TMEM26: variants seen among roughly 807,000 people sequenced by gnomAD.
TMEM26 encodes transmembrane protein 26.
A neutral mutation model predicts 28.8 loss-of-function variants in TMEM26; 38 were observed. The ratio of observed to expected loss-of-function variants is 1.32; its 90% CI spans 1.02 to 1.73. TMEM26 has a LOEUF of 1.73. Ranked by LOEUF, TMEM26 falls within the 40% of genes most tolerant of loss-of-function variation. The pLI is 0.00. For missense variants in TMEM26, 518 were observed against 447.1 expected, an observed-to-expected ratio of 1.16 and a Z score of -1.43; for synonymous variants, 227 against 182.9, an observed-to-expected ratio of 1.24 and a Z score of -1.95.
At chr10:61,445,858 A>T (rs374263682) in intron 1 of TMEM26, among the ~76,000 whole-genome samples, 25 of 152,314 alleles carry the variant, frequency 1.6e-4, no homozygotes, top group Non-Finnish European at 2.8e-4. Context: ...AACTTAAGGT[A>T]TTCAGATTTG....
chr10:61,410,557 G>A lies in TMEM26; in HGVS notation c.872C>T (p.Ala291Val), dbSNP rs1017279780. The change falls in exon 6 of 6, where the codon GCG (alanine) becomes GTG (valine). Residue 291 changes from alanine to valine, a missense_variant. By Grantham distance (64) the Ala-to-Val change is moderately conservative. Coordinates refer to ENST00000399298, the MANE Select transcript of TMEM26 (RefSeq NM_178505.8). ...VINQMLVFFAAKNFLVVVLQL... is the reference protein window; with the variant it reads ...VINQMLVFFAVKNFLVVVLQL... ...CAACACCACCACGAGGAAGTTCTTC[G>A]CGGCAAAGAACACCAGCATCTGATT... is the stretch of plus-strand genomic sequence containing the variant. 4 of 1,613,976 alleles carry A rather than the reference G, an allele frequency of 2.5e-6. No homozygotes were observed. In the East Asian group the frequency reaches 6.7e-5, roughly 27 times the overall value.
At chr10:61,416,139 T>C (rs957315393) in intron 4 of TMEM26, 5 of 446,516 alleles carry the variant, frequency 1.1e-5, no homozygotes, top group South Asian at 1.6e-5. Context: ...GAAAAAGTTG[T>C]TGAGGATATT....
At chr10:61,414,933 G>T (rs1251421637) in intron 4 of TMEM26, 1 of 958,772 alleles carries the variant, frequency 1.0e-6, no homozygotes, top group Non-Finnish European at 1.2e-6. Context: ...TATTCCAGGT[G>T]TGAATACTGT....
At chr10:61,447,053 G>C (rs1375394195) in intron 1 of TMEM26, among the ~76,000 whole-genome samples, 2 of 152,112 alleles carry the variant, frequency 1.3e-5, no homozygotes, top group Non-Finnish European at 2.9e-5. Flanking sequence ...AAGCTAAAGA[G>C]AGATTTCAGG....
intron 5 of TMEM26, among the ~76,000 whole-genome samples, chr10:61,411,887 T>C (rs1002480702): frequency 6.6e-6 from 1 of 152,240 alleles, no homozygotes; most frequent in African/African-American, 2.4e-5. Flanking sequence ...GTACTATTTG[T>C]TGGAAAATAC....
chr10:61,438,805 C>T (rs1200880396), intron 1 of TMEM26, among the ~76,000 whole-genome samples: 1 of 152,126 alleles, frequency 6.6e-6, no homozygotes, highest in East Asian at 1.9e-4. Context: ...CCTCCCTTAC[C>T]ACATCCTGTC....
rs184220286 is a variant in TMEM26 at position 61,429,019 on chromosome 10, C to G, written c.512G>C (p.Arg171Pro). The change falls in exon 4 of 6, where the codon CGA becomes CCA. Residue 171 changes from arginine (R) to proline (P), a missense_variant. By Grantham distance (103) the Arg-to-Pro change is moderately radical. Coordinates refer to ENST00000399298, the MANE Select transcript of TMEM26 (RefSeq NM_178505.8). ...WLLPIGGGIT[R>P]DQLSQLLLMF... ...AAGAAGAAGTTGAGAGAGTTGATCTCGAGTGATCCCGCCTCCAATGGGTAG... is the reference window on the plus strand; with the variant it reads ...AAGAAGAAGTTGAGAGAGTTGATCTGGAGTGATCCCGCCTCCAATGGGTAG... 6.2e-7 allele frequency: 1 copy of G among 1,613,288 alleles called. No individual in the cohort carries two copies. The highest frequency in any genetic ancestry group is 1.3e-5 in the African/African-American group (1 of 74,972).
intron 4 of TMEM26, among the ~76,000 whole-genome samples, chr10:61,424,295 T>G (rs2135301984): frequency 6.6e-6 from 1 of 152,054 alleles, no homozygotes; most frequent in East Asian, 1.9e-4. Context: ...ATTAAAAAAA[T>G]AATTCCACTA....
chr10:61,424,625 A>C (rs916250081), intron 4 of TMEM26, among the ~76,000 whole-genome samples: 3 of 152,172 alleles, frequency 2.0e-5, no homozygotes, highest in African/African-American at 7.2e-5. Context: ...GCTAAAACAA[A>C]TTTTAAAAGA....
chr10:61,437,966 G>A (rs925826996), intron 1 of TMEM26, among the ~76,000 whole-genome samples: 4 of 152,082 alleles, frequency 2.6e-5, no homozygotes, highest in Admixed American at 6.5e-5. Context: ...AGAATTGTTC[G>A]AGATGAAATG....
intron 4 of TMEM26, among the ~76,000 whole-genome samples, chr10:61,425,507 A>T (rs1404639930): frequency 6.6e-6 from 1 of 152,208 alleles, no homozygotes; most frequent in Non-Finnish European, 1.5e-5. Flanking sequence ...AATTAAAAAC[A>T]AGCTGAACAC....
At chr10:61,452,609 G>A (rs61850635) in intron 1 of TMEM26, 6,080 of 394,014 alleles carry the variant, frequency 0.015, 83 homozygotes, top group Admixed American at 0.042. Context: ...ATAGACCAGC[G>A]CTTCCTCTCT....
chr10:61,429,676 A>T (rs1839890587), intron 3 of TMEM26, among the ~76,000 whole-genome samples: 1 of 152,042 alleles, frequency 6.6e-6, no homozygotes, highest in East Asian at 1.9e-4. Context: ...CCTAAATGTA[A>T]AGAAAGAGAA....
At chr10:61,423,713 A>T (rs943080334) in intron 4 of TMEM26, among the ~76,000 whole-genome samples, 3 of 152,158 alleles carry the variant, frequency 2.0e-5, no homozygotes, top group Non-Finnish European at 4.4e-5. Flanking sequence ...GACCCGGGCT[A>T]AAGGGCAAGA....
Position 61,407,983 on chromosome 10 carries a change from A to T in TMEM26, c.*2339T>A, listed in dbSNP as rs1293173275. On this transcript the variant is annotated 3_prime_UTR_variant, in exon 6 of 6. Transcript: ENST00000399298. The stretch of plus-strand genomic sequence containing the variant: ...TAGCAGTCTACGCTATGAACTGAAC[A>T]AATTTGTAATATTTAATCAGGAGTC... The T allele has an allele frequency of 6.6e-6, 1 of 152,224 alleles. No homozygotes were observed. The highest frequency in any genetic ancestry group is 1.5e-5 in the Non-Finnish European group (1 of 68,036). 9.4% of individuals were successfully genotyped at this position (152,224 alleles called of 1,614,324 possible). A position where few individuals can be genotyped will look rare whatever the true frequency, so the allele number is the denominator to read the frequency against.
chr10:61,418,614 G>A (rs1485778527), intron 4 of TMEM26, among the ~76,000 whole-genome samples: 1 of 152,110 alleles, frequency 6.6e-6, no homozygotes. Context: ...TTTTACCAGT[G>A]ACAGCTTTGG....
chr10:61,426,180 G>T (rs1304845084), intron 4 of TMEM26, among the ~76,000 whole-genome samples: 1 of 151,968 alleles, frequency 6.6e-6, no homozygotes, highest in Admixed American at 6.6e-5. Context: ...ACACATAAAA[G>T]AGCACACATT....
intron 1 of TMEM26, among the ~76,000 whole-genome samples, chr10:61,451,619 G>T (rs1178660166): frequency 6.6e-6 from 1 of 152,176 alleles, no homozygotes; most frequent in Non-Finnish European, 1.5e-5. Context: ...ACACTGGAAA[G>T]TACCTCAAAT....
intron 1 of TMEM26, among the ~76,000 whole-genome samples, chr10:61,440,101 A>G (rs1840067828): frequency 6.6e-6 from 1 of 152,086 alleles, no homozygotes. Flanking sequence ...TTAGTCGGGC[A>G]TGGTGGCTTG....
Sources: allele counts gnomAD v4.1 joint callset (sites outside exome capture counted in the v4.1 genomes callset), GRCh38; gene constraint gnomAD v4.1.1; transcripts MANE v1.5; gene names NCBI Gene and HGNC (gene_info 2026-07-23, HGNC 2026-07-21).